The following CSF2RA variants were observed in gnomAD, a reference collection of about 807,000 sequenced individuals.
The protein encoded by CSF2RA is granulocyte-macrophage colony-stimulating factor receptor subunit alpha.
Under a neutral mutation model 51.6 loss-of-function variants are expected in CSF2RA, and 42 were observed. The ratio of observed to expected loss-of-function variants is 0.81; its 90% CI spans 0.64 to 1.05. The LOEUF is 1.05. CSF2RA is among the 50% of genes least tolerant of loss of function. The probability of loss-of-function intolerance (pLI) is 0.00; values close to 1 mark genes in which losing one functional copy is unlikely to be tolerated. For missense variants in CSF2RA, 530 were observed against 501.1 expected (o/e 1.06, Z -0.55); for synonymous variants, 222 against 193.0 (o/e 1.15, Z -1.24).
the CSF2RA span, among the ~76,000 whole-genome samples, chrX:1,321,355 G>A: frequency 6.6e-6 from 1 of 152,074 alleles, no homozygotes; most frequent in African/African-American, 2.4e-5. Context: ...TGTAGTCCCA[G>A]CTACTCGGGA....
chrX:1,305,313 G>T, intron 11 of CSF2RA, 133 bp from the exon 12 acceptor site: 1 of 1,023,234 alleles, frequency 9.8e-7, no homozygotes, highest in South Asian at 1.3e-5. Flanking sequence ...TCGTCACTTG[G>T]TGATTCTTAG....
chrX:1,319,893 G>C, the CSF2RA span, among the ~76,000 whole-genome samples: 1 of 145,916 alleles, frequency 6.9e-6, no homozygotes, highest in African/African-American at 2.5e-5. Context: ...TTGTTTGTTT[G>C]TTTGTTTGTT....
intron 7 of CSF2RA, 59 bp downstream of exon 7, chrX:1,290,568 A>T: frequency 6.3e-7 from 1 of 1,575,412 alleles, no homozygotes; most frequent in South Asian, 1.1e-5. Flanking sequence ...TTTGCCTTAA[A>T]ATCTGTGTAA....
At chrX:1,272,152 C>T (rs1178262996) in intron 1 of CSF2RA, among the ~76,000 whole-genome samples, 1 of 151,750 alleles carries the variant, frequency 6.6e-6, no homozygotes, top group Non-Finnish European at 1.5e-5. Context: ...CAGGGTTGTT[C>T]CATATTGGTC....
the CSF2RA span, among the ~76,000 whole-genome samples, chrX:1,319,669 G>C: frequency 6.8e-6 from 1 of 147,638 alleles, no homozygotes; most frequent in African/African-American, 2.5e-5. Context: ...TCCTGCCTCA[G>C]CCTCCCAAAG....
chrX:1,313,326 C>A (rs1455281068), downstream of CSF2RA, among the ~76,000 whole-genome samples: 1 of 151,690 alleles, frequency 6.6e-6, no homozygotes, highest in Non-Finnish European at 1.5e-5. Flanking sequence ...CCCAGCTACT[C>A]AGGAGGCTGA....
chrX:1,298,778 C>T (rs1221066533), intron 9 of CSF2RA, among the ~76,000 whole-genome samples: 3 of 151,742 alleles, frequency 2.0e-5, no homozygotes, highest in Admixed American at 6.6e-5. Context: ...CTATAGTCCC[C>T]TACCCACGAC....
chrX:1,283,165 T>C (rs1158842876), intron 3 of CSF2RA, among the ~76,000 whole-genome samples: 1 of 9,414 alleles, frequency 1.1e-4, no homozygotes, highest in African/African-American at 2.6e-4. Context: ...GTTCCTTCCT[T>C]CGTTCCTTCC....
the CSF2RA span, among the ~76,000 whole-genome samples, chrX:1,316,668 C>T: frequency 1.3e-5 from 2 of 152,186 alleles, no homozygotes; most frequent in Admixed American, 6.5e-5. Context: ...GGAACACCGG[C>T]GTCATGGGGC....
the CSF2RA span, among the ~76,000 whole-genome samples, chrX:1,319,283 A>C: frequency 6.7e-6 from 1 of 149,282 alleles, no homozygotes; most frequent in African/African-American, 2.4e-5. Context: ...GACATGAGCC[A>C]CCATGCCCGG....
intron 1 of CSF2RA, 54 bp downstream of exon 1, chrX:1,268,933 A>C (rs1354314094): frequency 2.2e-6 from 1 of 453,594 alleles, no homozygotes; most frequent in Non-Finnish European, 4.4e-6. Flanking sequence ...TCACCCGGGT[A>C]CATGTTTCTG....
intron 2 of CSF2RA, among the ~76,000 whole-genome samples, chrX:1,279,514 C>A (rs1190294391): frequency 2.0e-5 from 3 of 151,758 alleles, no homozygotes; most frequent in East Asian, 1.9e-4. Flanking sequence ...AAGGTCAGGC[C>A]CACCCAGACA....
At chrX:1,277,550 C>G (rs1200098134) in intron 2 of CSF2RA, among the ~76,000 whole-genome samples, 1 of 115,950 alleles carries the variant, frequency 8.6e-6, no homozygotes, top group Non-Finnish European at 1.6e-5. Context: ...GAGTGGAGAT[C>G]ATGCCACTAC....
At chrX:1,282,403 A>T in intron 2 of CSF2RA, 1 of 551,232 alleles carries the variant, frequency 1.8e-6, no homozygotes, top group South Asian at 2.2e-5. Flanking sequence ...GGGTTCCCTC[A>T]TGAAGGTCAG....
chrX:1,273,052 T>C (rs1312280816), intron 1 of CSF2RA, among the ~76,000 whole-genome samples: 1 of 151,806 alleles, frequency 6.6e-6, no homozygotes, highest in Non-Finnish European at 1.5e-5. Context: ...ACTCCTGACC[T>C]CAAGTGATCC....
downstream of CSF2RA, among the ~76,000 whole-genome samples, chrX:1,312,006 G>T (rs1184001847): frequency 1.3e-5 from 2 of 151,898 alleles, no homozygotes; most frequent in Non-Finnish European, 2.9e-5. Context: ...ATTCAGGCTG[G>T]AGTGCAGTGG....
intron 2 of CSF2RA, among the ~76,000 whole-genome samples, chrX:1,278,756 G>A (rs1291118354): frequency 6.7e-6 from 1 of 149,498 alleles, no homozygotes; most frequent in Non-Finnish European, 1.5e-5. Flanking sequence ...GTAATCCAGA[G>A]GCTGGGTGCA....
At chrX:1,294,804 TGTC>T (rs1311772544) in intron 8 of CSF2RA, among the ~76,000 whole-genome samples, 1 of 145,710 alleles carries the variant, frequency 6.9e-6, no homozygotes, top group Non-Finnish European at 1.5e-5. Flanking sequence ...CCCTGCCCCA[TGTC>T]TACCTGGACC....
At chrX:1,283,666 C>G (rs2090317027) in intron 3 of CSF2RA, among the ~76,000 whole-genome samples, 1 of 151,708 alleles carries the variant, frequency 6.6e-6, no homozygotes, top group African/African-American at 2.4e-5. Flanking sequence ...CTCCCGGGTT[C>G]AAGCGATTCT....
Sources: gnomAD v4.1 joint callset for allele counts (sites outside exome capture counted in the v4.1 genomes callset) on GRCh38, gnomAD v4.1.1 for gene constraint, MANE v1.5 for transcripts, NCBI Gene and HGNC (gene_info 2026-07-23, HGNC 2026-07-21) for gene names.